Variants in CTNNA2 observed in about 807,000 individuals in gnomAD.
CTNNA2 encodes catenin alpha-2.
In CTNNA2, 42 loss-of-function variants were observed where a neutral mutation model predicts 101.0. The ratio of observed to expected loss-of-function variants is 0.42; its 90% CI spans 0.32 to 0.54. The LOEUF (loss-of-function observed/expected upper bound fraction) is 0.54. CTNNA2 is among the 20% of genes least tolerant of loss of function. The pLI, the probability that CTNNA2 is intolerant of heterozygous loss-of-function variation, is 0.14. For synonymous variants in CTNNA2, 450 were observed against 456.4 expected (o/e 0.99, Z 0.18); for missense variants, 871 against 1,223.1 (o/e 0.71, Z 4.29).
Position 79,818,895 on chromosome 2 carries a change from GCA to G in CTNNA2, c.299-39093_299-39092del, listed in dbSNP as rs56218833. ...AGTAAACTCAAGCAAAGCACTAATA[GCA>G]CACACACACACACACACACACACAT... On this transcript the variant is annotated intron_variant, in intron 3 of 18. Transcript: ENST00000402739. 5.3e-3 allele frequency among the ~76,000 whole-genome samples: 665 copies of G among 125,464 alleles called. 4 individuals carry two copies. Among genetic ancestry groups the G allele is most frequent in the East Asian group, 0.036 (142 of 3,954 alleles). The allele number at this position is 125,464 out of a possible 152,430, so 82.3% of individuals were successfully genotyped here. A position where few individuals can be genotyped will look rare whatever the true frequency, so the allele number is the denominator to read the frequency against.
intron 11 of CTNNA2, among the ~76,000 whole-genome samples, chr2:80,551,860 T>G (rs1381091687): frequency 6.6e-6 from 1 of 152,214 alleles, no homozygotes; most frequent in Non-Finnish European, 1.5e-5. Flanking sequence ...AAGTTGGCTG[T>G]TTGGCCTCTC....
At chr2:80,283,121 G>A (rs547824008) in intron 7 of CTNNA2, among the ~76,000 whole-genome samples, 2 of 152,088 alleles carry the variant, frequency 1.3e-5, no homozygotes, top group South Asian at 2.1e-4. Flanking sequence ...AATTCTTTAG[G>A]ACAAATAACT....
chr2:79,715,497 C>T (rs1354042993), intron 2 of CTNNA2, among the ~76,000 whole-genome samples: 1 of 151,916 alleles, frequency 6.6e-6, no homozygotes, highest in Non-Finnish European at 1.5e-5. Flanking sequence ...ACAAAAGCAA[C>T]AAAAAGGAAA....
At chr2:79,908,031 C>A (rs1002815593) in intron 6 of CTNNA2, among the ~76,000 whole-genome samples, 4 of 152,122 alleles carry the variant, frequency 2.6e-5, no homozygotes, top group Non-Finnish European at 4.4e-5. Context: ...TGAACAAACA[C>A]CCTAGGATGC....
chr2:79,597,316 C>CA (rs1373747668), intron 1 of CTNNA2, among the ~76,000 whole-genome samples: 4 of 151,868 alleles, frequency 2.6e-5, no homozygotes, highest in Non-Finnish European at 5.9e-5. Flanking sequence ...ACTAAAAATA[C>CA]AAAAAATTAG....
intron 1 of CTNNA2, among the ~76,000 whole-genome samples, chr2:79,197,462 T>C (rs1440897136): frequency 6.6e-6 from 1 of 152,212 alleles, no homozygotes; most frequent in Non-Finnish European, 1.5e-5. Context: ...TCTGGGCCAA[T>C]TGCTACAGAG....
At chr2:80,447,463 T>C (rs1046541841) in intron 9 of CTNNA2, among the ~76,000 whole-genome samples, 2 of 152,198 alleles carry the variant, frequency 1.3e-5, no homozygotes, top group African/African-American at 4.8e-5. Flanking sequence ...GTTATTTCTC[T>C]TACTCTAGGC....
At chr2:80,002,066 G>A (rs373562428) in intron 7 of CTNNA2, among the ~76,000 whole-genome samples, 1 of 152,162 alleles carries the variant, frequency 6.6e-6, no homozygotes, top group South Asian at 2.1e-4. Context: ...TAAGTGCTTA[G>A]TGACAACCCT....
intron 7 of CTNNA2, among the ~76,000 whole-genome samples, chr2:80,009,763 A>T (rs1693641325): frequency 1.1e-5 from 1 of 92,326 alleles, no homozygotes. Flanking sequence ...AGAGAGAGAG[A>T]CAGAGAGAGA....
chr2:79,960,943 G>A (rs577255461), intron 7 of CTNNA2, among the ~76,000 whole-genome samples: 2 of 152,322 alleles, frequency 1.3e-5, no homozygotes, highest in South Asian at 4.1e-4. Context: ...GGGTGATACA[G>A]TGACCTTTAC....
chr2:80,502,488 C>G (rs1204214477), intron 9 of CTNNA2, among the ~76,000 whole-genome samples: 1 of 152,178 alleles, frequency 6.6e-6, no homozygotes, highest in Non-Finnish European at 1.5e-5. Context: ...AGTCTAAAGA[C>G]AAAGACAAAT....
In CTNNA2 at chr2:80,061,734, T is replaced by C. The variant is rs574153262; in HGVS notation, c.1056+151937T>C. ...AAATATTTAAATTTGTCGCTTATAA[T>C]ACACTGAGAGTTCTATGAGGATAGA... On this transcript the variant is annotated intron_variant, in intron 7 of 18. Coordinates refer to ENST00000402739, the MANE Select transcript of CTNNA2 (RefSeq NM_001282597.3). 2.0e-5 allele frequency among the ~76,000 whole-genome samples: 3 copies of C among 152,330 alleles called. No individual in the cohort carries two copies. The South Asian group carries it at 6.2e-4, about 32-fold the overall frequency.
chr2:79,507,900 G>A (rs1245433366), intron 5 of CTNNA2, among the ~76,000 whole-genome samples: 5 of 152,168 alleles, frequency 3.3e-5, no homozygotes, highest in Admixed American at 1.3e-4. Context: ...ACCTTTAAAT[G>A]CTTTTCACCC....
chr2:79,243,382 A>G (rs1200647306), intron 2 of CTNNA2, among the ~76,000 whole-genome samples: 1 of 152,186 alleles, frequency 6.6e-6, no homozygotes, highest in East Asian at 1.9e-4. Flanking sequence ...TGCAGTAGTT[A>G]CTATAGATTT....
intron 9 of CTNNA2, among the ~76,000 whole-genome samples, chr2:80,500,036 A>G (rs1268203140): frequency 2.6e-5 from 4 of 152,172 alleles, no homozygotes; most frequent in African/African-American, 9.6e-5. Flanking sequence ...TATACAAAAA[A>G]TCCAAATGCA....
At chr2:79,862,049 A>G (rs1413338355) in intron 4 of CTNNA2, among the ~76,000 whole-genome samples, 1 of 152,188 alleles carries the variant, frequency 6.6e-6, no homozygotes, top group African/African-American at 2.4e-5. Flanking sequence ...TATATTCCCT[A>G]GGCTCTGAAC....
upstream of CTNNA2, among the ~76,000 whole-genome samples, chr2:79,508,955 GTATATATATATATATATATA>G (rs530470576): frequency 2.6e-3 from 232 of 90,964 alleles, 1 homozygote; most frequent in African/African-American, 3.4e-3. Context: ...CACCATTGCA[GTATATATATATATATATATA>G]TATATATATA....
chr2:79,960,611 G>A (rs910479732), intron 7 of CTNNA2, among the ~76,000 whole-genome samples: 1 of 152,176 alleles, frequency 6.6e-6, no homozygotes, highest in African/African-American at 2.4e-5. Flanking sequence ...TGATTTATTA[G>A]TTTATATGTA....
chr2:80,179,694 T>G (rs1257862771), intron 7 of CTNNA2, among the ~76,000 whole-genome samples: 4 of 152,278 alleles, frequency 2.6e-5, no homozygotes, highest in African/African-American at 9.6e-5. Flanking sequence ...CCTTTGCATA[T>G]TTCAAGTCCT....
Sources: allele counts gnomAD v4.1 joint callset (sites outside exome capture counted in the v4.1 genomes callset), GRCh38; gene constraint gnomAD v4.1.1; transcripts MANE v1.5; gene names NCBI Gene and HGNC (gene_info 2026-07-23, HGNC 2026-07-21).